The following CAMKMT variants were observed in gnomAD, a reference collection of about 807,000 sequenced individuals.
The protein encoded by CAMKMT is calmodulin-lysine N-methyltransferase.
A neutral mutation model predicts 48.0 loss-of-function variants in CAMKMT; 53 were observed. That is an observed-to-expected ratio of 1.10 (90% CI 0.89 to 1.39). The LOEUF is 1.39. CAMKMT is among the 40% of genes most tolerant of loss of function. The probability of loss-of-function intolerance (pLI) is 0.00; values close to 1 mark genes in which losing one functional copy is unlikely to be tolerated. For synonymous variants in CAMKMT, 165 were observed against 152.3 expected (o/e 1.08, Z -0.61); for missense variants, 428 against 402.7 (o/e 1.06, Z -0.54).
Position 44,440,103 on chromosome 2 carries a change from A to T in CAMKMT, c.376+49798A>T, listed in dbSNP as rs1403229190. On this transcript the variant is annotated intron_variant, in intron 3 of 10. Transcript: ENST00000378494. ...TAGAGGTAAAGAGTGTTGAATTAGA[A>T]AGGGTTTTATTTGTTGTTGTTTGTG... 5.3e-5 allele frequency among the ~76,000 whole-genome samples: 8 copies of T among 152,076 alleles called. No homozygotes were observed. In the East Asian group the frequency reaches 1.5e-3, roughly 29 times the overall value.
chr2:44,496,517 A>G (rs1669759171), intron 3 of CAMKMT, among the ~76,000 whole-genome samples: 1 of 152,250 alleles, frequency 6.6e-6, no homozygotes, highest in African/African-American at 2.4e-5. Context: ...TTTAGAGCCC[A>G]TCCTTGTAGG....
At chr2:44,770,538 A>G (rs187559886) in intron 10 of CAMKMT, among the ~76,000 whole-genome samples, 25 of 152,330 alleles carry the variant, frequency 1.6e-4, no homozygotes, top group African/African-American at 5.8e-4. Context: ...CCACTGAGTA[A>G]TCAACTTTCC....
intron 3 of CAMKMT, among the ~76,000 whole-genome samples, chr2:44,402,740 G>GTTTTTTTTTTTTTTTTTTTTTTTTCTTTT: frequency 1.1e-5 from 1 of 94,106 alleles, no homozygotes; most frequent in Non-Finnish European, 2.1e-5. Flanking sequence ...TTGTTTTGCT[G>GTTTTTTTTTTTTTTTTTTTTTTTTCTTTT]TTTTTTTTTT....
chr2:44,441,815 A>T (rs1484763599), intron 3 of CAMKMT, among the ~76,000 whole-genome samples: 2 of 152,188 alleles, frequency 1.3e-5, no homozygotes, highest in Non-Finnish European at 2.9e-5. Flanking sequence ...AAGGAACCAC[A>T]GTTTTCTGTG....
chr2:44,528,928 CTAAG>C (rs1265340714), intron 3 of CAMKMT, among the ~76,000 whole-genome samples: 2 of 150,740 alleles, frequency 1.3e-5, no homozygotes, highest in Non-Finnish European at 3.0e-5. Context: ...TTAATTTCTA[CTAAG>C]TTTCTGTTTG....
chr2:44,765,071 A>G (rs917633815), intron 9 of CAMKMT, among the ~76,000 whole-genome samples: 4 of 152,054 alleles, frequency 2.6e-5, no homozygotes, highest in Non-Finnish European at 4.4e-5. Context: ...AAAAATACAA[A>G]AAAAAAATTA....
chr2:44,442,268 G>GAT (rs1666712352), intron 3 of CAMKMT, among the ~76,000 whole-genome samples: 1 of 152,172 alleles, frequency 6.6e-6, no homozygotes, highest in Non-Finnish European at 1.5e-5. Context: ...GAGCAGGTCA[G>GAT]AAGCCCAAGA....
chr2:44,644,984 A>G (rs1012854419), intron 3 of CAMKMT, among the ~76,000 whole-genome samples: 1 of 152,198 alleles, frequency 6.6e-6, no homozygotes, highest in East Asian at 1.9e-4. Context: ...AAGATATAAA[A>G]AAGCTTGCTT....
chr2:44,564,528 G>A (rs1668506568), intron 3 of CAMKMT, among the ~76,000 whole-genome samples: 1 of 151,744 alleles, frequency 6.6e-6, no homozygotes, highest in Non-Finnish European at 1.5e-5. Flanking sequence ...TTGCCAAGCT[G>A]ATAACACATT....
chr2:44,407,670 A>T (rs1682875932), intron 3 of CAMKMT, among the ~76,000 whole-genome samples: 2 of 152,204 alleles, frequency 1.3e-5, no homozygotes, highest in Non-Finnish European at 2.9e-5. Context: ...GTAATATTTA[A>T]TGCAGAAGAT....
chr2:44,761,439 A>G (rs1408963052), intron 9 of CAMKMT, among the ~76,000 whole-genome samples: 2 of 152,206 alleles, frequency 1.3e-5, no homozygotes, highest in African/African-American at 4.8e-5. Flanking sequence ...GACCTAAGTC[A>G]AGGTTTTCAA....
At chr2:44,511,472 A>G (rs1670549286) in intron 3 of CAMKMT, among the ~76,000 whole-genome samples, 1 of 151,928 alleles carries the variant, frequency 6.6e-6, no homozygotes, top group African/African-American at 2.4e-5. Context: ...TATTTTTGGT[A>G]GAGACAGGGT....
At chr2:44,461,330 A>C (rs777727641) in intron 3 of CAMKMT, among the ~76,000 whole-genome samples, 1 of 152,196 alleles carries the variant, frequency 6.6e-6, no homozygotes, top group Non-Finnish European at 1.5e-5. Flanking sequence ...TACTCATTAA[A>C]TATCTCATTA....
intron 9 of CAMKMT, among the ~76,000 whole-genome samples, chr2:44,759,746 C>T (rs774565858): frequency 6.6e-6 from 1 of 152,100 alleles, no homozygotes; most frequent in African/African-American, 2.4e-5. Context: ...CTGAGAAGTC[C>T]TTTTCTAATA....
intron 3 of CAMKMT, among the ~76,000 whole-genome samples, chr2:44,548,401 C>G (rs1667518008): frequency 6.6e-6 from 1 of 152,180 alleles, no homozygotes; most frequent in Non-Finnish European, 1.5e-5. Flanking sequence ...AAGCCATGGT[C>G]TCACATGAAA....
chr2:44,569,094 G>A (rs569228387), intron 3 of CAMKMT, among the ~76,000 whole-genome samples: 1 of 152,270 alleles, frequency 6.6e-6, no homozygotes, highest in African/African-American at 2.4e-5. Context: ...TGTGCTCTGA[G>A]AGACTCTGCC....
At chr2:44,479,217 AACAG>A (rs1463415386) in intron 3 of CAMKMT, among the ~76,000 whole-genome samples, 1 of 152,230 alleles carries the variant, frequency 6.6e-6, no homozygotes, top group Non-Finnish European at 1.5e-5. Context: ...TAATTATGGT[AACAG>A]ACATTTTATA....
intron 3 of CAMKMT, chr2:44,549,800 A>C (rs1301832654): frequency 4.8e-6 from 2 of 417,062 alleles, no homozygotes; most frequent in East Asian, 7.1e-5. Context: ...TAGAACAAAG[A>C]CATAGGGGGC....
intron 2 of CAMKMT, 145 bp downstream of exon 2, chr2:44,373,033 A>T: frequency 1.3e-6 from 1 of 742,888 alleles, no homozygotes; most frequent in South Asian, 2.0e-5. Context: ...TGTTTTAGGA[A>T]ATCCTGCTAT....
Sources: gnomAD v4.1 joint callset for allele counts (sites outside exome capture counted in the v4.1 genomes callset) on GRCh38, gnomAD v4.1.1 for gene constraint, MANE v1.5 for transcripts, NCBI Gene and HGNC (gene_info 2026-07-23, HGNC 2026-07-21) for gene names.